Variants in KIF15 observed in about 807,000 individuals in gnomAD.
KIF15 encodes kinesin-like protein KIF15.
KIF15 carries 140 observed loss-of-function variants against 190.6 expected under a neutral mutation model. That is an observed-to-expected ratio of 0.73 (90% CI 0.64 to 0.84). KIF15 has a LOEUF of 0.84. KIF15 is among the 40% of genes least tolerant of loss of function. The pLI, the probability that KIF15 is intolerant of heterozygous loss-of-function variation, is 0.00. For synonymous variants in KIF15, 528 were observed against 551.3 expected (o/e 0.96, Z 0.59); for missense variants, 1,372 against 1,584.4 (o/e 0.87, Z 2.28).
rs192542279 is a variant in KIF15 at position 44,811,570 on chromosome 3, G to A, written c.2169+527G>A. Among the ~76,000 whole-genome samples the A allele has an allele frequency of 1.8e-3, 277 of 152,198 alleles. No individual in the cohort carries two copies. In the East Asian group the frequency reaches 0.025, roughly 13 times the overall value. The stretch of plus-strand genomic sequence containing the variant: ...TGAGGCAGGAGAATTGCTTGAACCC[G>A]GGAGGCGGAGGTTGCAGTGAGCCGA... On this transcript the variant is annotated intron_variant, in intron 17 of 34. Coordinates refer to ENST00000326047, the MANE Select transcript of KIF15 (RefSeq NM_020242.3).
intron 6 of KIF15, chr3:44,865,211 G>C: frequency 6.2e-7 from 1 of 1,613,346 alleles, no homozygotes; most frequent in Non-Finnish European, 8.5e-7. Context: ...CAGCTGGAAA[G>C]ATCATGATGG....
chr3:44,855,345 C>G (rs901984480), downstream of KIF15, among the ~76,000 whole-genome samples: 1 of 152,126 alleles, frequency 6.6e-6, no homozygotes, highest in African/African-American at 2.4e-5. Context: ...AGGGCAGAAA[C>G]AAATCACAAT....
chr3:44,865,186 C>T (rs753578030), intron 6 of KIF15: 2 of 1,614,156 alleles, frequency 1.2e-6, no homozygotes, highest in South Asian at 1.1e-5. Flanking sequence ...AGTAGCACCA[C>T]TTGGCTAGAC....
chr3:44,848,918 T>G (rs1158101384), intron 32 of KIF15, among the ~76,000 whole-genome samples: 1 of 152,250 alleles, frequency 6.6e-6, no homozygotes, highest in Non-Finnish European at 1.5e-5. Context: ...AGATCAGTAC[T>G]CTGATTTCTT....
intron 20 of KIF15, among the ~76,000 whole-genome samples, chr3:44,824,021 A>G (rs1028271323): frequency 1.3e-5 from 2 of 152,068 alleles, no homozygotes; most frequent in Non-Finnish European, 2.9e-5. Context: ...GTCTGCACCC[A>G]CTGTCCAACC....
intron 11 of KIF15, among the ~76,000 whole-genome samples, chr3:44,801,214 G>A (rs1000340220): frequency 6.6e-6 from 1 of 150,582 alleles, no homozygotes; most frequent in East Asian, 2.0e-4. Flanking sequence ...GCGGCGGGAG[G>A]GGGGGGTCTC....
intron 1 of KIF15, among the ~76,000 whole-genome samples, chr3:44,763,458 T>G (rs1198952224): frequency 6.6e-6 from 1 of 151,958 alleles, no homozygotes; most frequent in Non-Finnish European, 1.5e-5. Context: ...CGCGCCACCA[T>G]GCCCAGCTAA....
intron 26 of KIF15, among the ~76,000 whole-genome samples, chr3:44,837,601 T>C (rs1488304527): frequency 2.0e-5 from 3 of 151,986 alleles, no homozygotes; most frequent in African/African-American, 4.8e-5. Flanking sequence ...TGTACACACA[T>C]ATATATGTGT....
intron 29 of KIF15, 111 bp downstream of exon 29, chr3:44,841,349 G>GACATCCGTATTACTC: frequency 1.4e-6 from 1 of 718,012 alleles, no homozygotes; most frequent in Non-Finnish European, 2.3e-6. Flanking sequence ...CCCAGTATCT[G>GACATCCGTATTACTC]GCACTATAGG....
At chr3:44,827,387 T>G (rs1313005471) in intron 22 of KIF15, 72 bp from the exon 23 acceptor site, 1 of 1,074,256 alleles carries the variant, frequency 9.3e-7, no homozygotes, top group African/African-American at 1.6e-5. Context: ...CTTAATCTAT[T>G]CTGTACTAAC....
rs1707964472 is a variant in KIF15, at chr3:44,815,050, T to C, written c.2523T>C (p.His841=). ...ACAAACTTTCCGAAAGACACATGCA[T>C]GTACAGCTTCAATTAGATAATCTCA... ...EFNKLSERHM[H]VQLQLDNLRL... Residue 841 remains histidine (H), a synonymous_variant, in exon 20 of 35, where the codon CAT becomes CAC. Transcript: ENST00000326047. 1 of 1,601,934 alleles carries C rather than the reference T, an allele frequency of 6.2e-7. No individual in the cohort carries two copies. Among genetic ancestry groups the C allele is most frequent in the Non-Finnish European group, 8.5e-7 (1 of 1,175,984 alleles).
intron 2 of KIF15, among the ~76,000 whole-genome samples, chr3:44,774,902 T>C (rs1973547): frequency 0.6 from 91,590 of 152,058 alleles, 28,123 homozygotes; most frequent in East Asian, 0.89. Context: ...GAGTTCAAGA[T>C]CAGCCTGGCC....
intron 20 of KIF15, among the ~76,000 whole-genome samples, chr3:44,820,966 G>A (rs1708248461): frequency 6.6e-6 from 1 of 151,064 alleles, no homozygotes. Context: ...CGGGGTGGCT[G>A]GCCGGGCAGG....
At chr3:44,763,502 G>T (rs959427184) in intron 1 of KIF15, among the ~76,000 whole-genome samples, 2 of 151,164 alleles carry the variant, frequency 1.3e-5, no homozygotes, top group African/African-American at 4.9e-5. Flanking sequence ...GGGTTTCACT[G>T]TGTTGGCCAG....
At chr3:44,825,672 C>T (rs1673705791) in intron 20 of KIF15, among the ~76,000 whole-genome samples, 1 of 152,248 alleles carries the variant, frequency 6.6e-6, no homozygotes, top group African/African-American at 2.4e-5. Flanking sequence ...TGGAAATTAA[C>T]AGCCAGTGCC....
At chr3:44,852,556 A>G in intron 34 of KIF15, 117 bp from the exon 35 acceptor site, 2 of 861,616 alleles carry the variant, frequency 2.3e-6, no homozygotes, top group Non-Finnish European at 3.5e-6. Context: ...TTTAGTTTGC[A>G]CATTGAAAAT....
At position 44,852,848 on chromosome 3, in the gene KIF15, T is replaced by A; in HGVS notation, c.*113T>A. The stretch of plus-strand genomic sequence containing the variant: ...AGCTGAATTTATGGACCTTAATTAT[T>A]AAATGTTTATAAGGTGGTGGTAACC... On this transcript the variant is annotated 3_prime_UTR_variant, in exon 35 of 35. Transcript: ENST00000326047. 1.3e-6 allele frequency: 1 copy of A among 762,880 alleles called. No individual in the cohort carries two copies. The highest frequency in any genetic ancestry group is 2.1e-6 in the Non-Finnish European group (1 of 484,318). The allele number at this position is 762,880 out of a possible 1,614,324, so 47.3% of individuals were successfully genotyped here. A position where few individuals can be genotyped will look rare whatever the true frequency, so the allele number is the denominator to read the frequency against.
chr3:44,805,070 G>GT lies in KIF15; in HGVS notation c.1734dup (p.Ala579CysfsTer4), dbSNP rs1198246986. On this transcript the variant is annotated frameshift_variant, in exon 15 of 35. Transcript: ENST00000326047. LOFTEE classifies it high-confidence loss of function. ...CTAAAGCTCAGAAAGAGCCATGTTTGTTTGCAAACACTGAGAAGTTAAAAG... is the reference window on the plus strand; with the variant it reads ...CTAAAGCTCAGAAAGAGCCATGTTTGTTTTGCAAACACTGAGAAGTTAAAAG... The GT allele has an allele frequency of 6.2e-7, 1 of 1,613,150 alleles. No homozygotes were observed. The highest frequency in any genetic ancestry group is 8.5e-7 in the Non-Finnish European group (1 of 1,179,688).
chr3:44,821,584 C>T (rs188669397), intron 20 of KIF15, among the ~76,000 whole-genome samples: 70 of 151,830 alleles, frequency 4.6e-4, no homozygotes, highest in African/African-American at 1.6e-3. Flanking sequence ...GGAAGAGGCG[C>T]TCCTCACTTC....
Sources: gnomAD v4.1 joint callset for allele counts (sites outside exome capture counted in the v4.1 genomes callset) on GRCh38, gnomAD v4.1.1 for gene constraint, MANE v1.5 for transcripts, NCBI Gene and HGNC (gene_info 2026-07-23, HGNC 2026-07-21) for gene names.